Variants in FUT8 observed in about 807,000 individuals in gnomAD.
FUT8 encodes fucosyltransferase 8.
In FUT8, 29 loss-of-function variants were observed where a neutral mutation model predicts 71.3. The ratio of observed to expected loss-of-function variants is 0.41; its 90% CI spans 0.30 to 0.55. The LOEUF is 0.55. Among genes scored for constraint, FUT8 ranks in the 20% least tolerant of loss-of-function variants. FUT8 has a pLI of 0.34. For missense variants in FUT8, 544 were observed against 702.1 expected (o/e 0.77, Z 2.55); for synonymous variants, 254 against 239.3 (o/e 1.06, Z -0.57).
At chr14:65,431,588 C>G (rs982494296) in intron 1 of FUT8, among the ~76,000 whole-genome samples, 1 of 151,912 alleles carries the variant, frequency 6.6e-6, no homozygotes, top group Non-Finnish European at 1.5e-5. Context: ...GTTGGGATTA[C>G]AGGCGTGAGC....
At chr14:65,616,421 A>G (rs1180641175) in intron 5 of FUT8, 48 bp downstream of exon 5, 3 of 1,436,732 alleles carry the variant, frequency 2.1e-6, no homozygotes, top group Admixed American at 4.4e-5. Flanking sequence ...AAAGATTATA[A>G]TCTAAGAATG....
intron 3 of FUT8, among the ~76,000 whole-genome samples, chr14:65,565,227 G>A (rs1291728014): frequency 6.6e-6 from 1 of 151,942 alleles, no homozygotes; most frequent in East Asian, 1.9e-4. Context: ...AGTCATCTCT[G>A]AAGGAGGAGC....
At chr14:65,552,884 A>G (rs542577015) in intron 2 of FUT8, among the ~76,000 whole-genome samples, 2 of 152,292 alleles carry the variant, frequency 1.3e-5, no homozygotes, top group South Asian at 4.2e-4. Context: ...TATCTACACC[A>G]TTCGTAATGG....
intron 7 of FUT8, among the ~76,000 whole-genome samples, chr14:65,687,087 G>T (rs770662023): frequency 7.9e-5 from 12 of 151,856 alleles, no homozygotes; most frequent in Admixed American, 2.0e-4. Flanking sequence ...ATCATTCCAG[G>T]ACTAGCCCTC....
chr14:65,687,256 A>G (rs12432240), intron 7 of FUT8, among the ~76,000 whole-genome samples: 1 of 152,104 alleles, frequency 6.6e-6, no homozygotes, highest in African/African-American at 2.4e-5. Flanking sequence ...TTTACTTTTA[A>G]TCTTTAAAGA....
At chr14:65,617,421 C>G (rs569024807) in intron 5 of FUT8, among the ~76,000 whole-genome samples, 3 of 152,296 alleles carry the variant, frequency 2.0e-5, no homozygotes, top group Admixed American at 6.5e-5. Flanking sequence ...TCAGGCCATA[C>G]TTAGACCACT....
At chr14:65,466,754 A>G (rs775222988) in intron 2 of FUT8, among the ~76,000 whole-genome samples, 1 of 152,202 alleles carries the variant, frequency 6.6e-6, no homozygotes, top group Non-Finnish European at 1.5e-5. Context: ...TCTCAAAAAA[A>G]AAAAGAATAA....
At chr14:65,464,259 G>GTTTTTTTTTTTTTTTTTTTTTTTTTTT (rs3084724) in intron 2 of FUT8, among the ~76,000 whole-genome samples, 1 of 116,560 alleles carries the variant, frequency 8.6e-6, no homozygotes, top group Non-Finnish European at 1.7e-5. Context: ...AGTACTTTGG[G>GTTTTTTTTTTTTTTTTTTTTTTTTTTT]TTTTTTTTTT....
intron 7 of FUT8, among the ~76,000 whole-genome samples, chr14:65,684,880 C>T (rs536570025): frequency 1.3e-4 from 20 of 152,218 alleles, no homozygotes; most frequent in Admixed American, 7.8e-4. Context: ...TACCTAGTCT[C>T]GGGTATGTCT....
At chr14:65,566,040 T>C (rs946290219) in intron 3 of FUT8, among the ~76,000 whole-genome samples, 1 of 151,982 alleles carries the variant, frequency 6.6e-6, no homozygotes, top group Admixed American at 6.6e-5. Flanking sequence ...TAACTTCAGC[T>C]AGGCTTTTTT....
At chr14:65,598,472 C>T (rs368432024) in intron 3 of FUT8, among the ~76,000 whole-genome samples, 35 of 152,270 alleles carry the variant, frequency 2.3e-4, no homozygotes, top group Admixed American at 3.3e-4. Flanking sequence ...CCACCCGCCT[C>T]GGCCTCCCAA....
intron 2 of FUT8, among the ~76,000 whole-genome samples, chr14:65,531,030 A>C (rs1206096715): frequency 2.0e-5 from 3 of 150,076 alleles, no homozygotes; most frequent in African/African-American, 7.3e-5. Flanking sequence ...ATATAGTAAA[A>C]TATGGTGTTT....
chr14:65,597,673 T>C (rs1189487234), intron 3 of FUT8, among the ~76,000 whole-genome samples: 1 of 151,270 alleles, frequency 6.6e-6, no homozygotes, highest in Non-Finnish European at 1.5e-5. Flanking sequence ...TATCACAGAA[T>C]GGCTTGTCTT....
intron 6 of FUT8, among the ~76,000 whole-genome samples, chr14:65,667,588 G>T (rs1892278745): frequency 6.6e-6 from 1 of 152,050 alleles, no homozygotes; most frequent in Non-Finnish European, 1.5e-5. Flanking sequence ...CATTAAAATG[G>T]CCATAGTGCC....
rs149786755 is a variant in FUT8, at chr14:65,570,499, A to G, written c.203+8733A>G. On this transcript the variant is annotated intron_variant, in intron 3 of 10. Coordinates refer to ENST00000673929, the MANE Select transcript of FUT8 (RefSeq NM_001371533.1). ...TGCCATGTTATACTGTATTCTACTT[A>G]TAACTACATATACTCCTACATATAC... Among the ~76,000 whole-genome samples, 115 of 151,998 alleles carry G rather than the reference A, an allele frequency of 7.6e-4. 2 individuals are homozygous for G. In the East Asian group the frequency reaches 0.021, roughly 28 times the overall value.
At chr14:65,523,270 C>G (rs1312316649) in intron 2 of FUT8, among the ~76,000 whole-genome samples, 2 of 152,220 alleles carry the variant, frequency 1.3e-5, no homozygotes, top group East Asian at 1.9e-4. Context: ...GCCATTCTAA[C>G]TGGTGTGAGA....
chr14:65,632,091 A>G lies in FUT8; in HGVS notation c.597+2485A>G, dbSNP rs569013124. 3.9e-5 allele frequency among the ~76,000 whole-genome samples: 6 copies of G among 152,324 alleles called. No individual in the cohort carries two copies. The South Asian group carries it at 1.2e-3, about 32-fold the overall frequency. On this transcript the variant is annotated intron_variant, in intron 6 of 10. Coordinates refer to ENST00000673929, the MANE Select transcript of FUT8 (RefSeq NM_001371533.1). ...CATATACATATACATATACACATAC[A>G]TATACATATGCCACAATTTCTTTAT...
In FUT8 at chr14:65,677,982, T is replaced by C. The variant is rs150707820; in HGVS notation, c.835+8502T>C. On this transcript the variant is annotated intron_variant, in intron 7 of 10. Transcript: ENST00000673929. ...CATTTACCAGGACAGATCAGTGTCA[T>C]TGATTTGGAGTCAGAAGTTATTAGC... Among the ~76,000 whole-genome samples the C allele has an allele frequency of 1.2e-3, 187 of 152,328 alleles. 4 individuals are homozygous for C. Among genetic ancestry groups the C allele is most frequent in the East Asian group, 5.2e-3 (27 of 5,184 alleles).
chr14:65,632,142 G>A (rs1413252883), intron 6 of FUT8, among the ~76,000 whole-genome samples: 1 of 152,150 alleles, frequency 6.6e-6, no homozygotes, highest in Non-Finnish European at 1.5e-5. Flanking sequence ...CGGGCATTTG[G>A]GTTGGTTCCA....
Sources: gnomAD v4.1 joint callset for allele counts (sites outside exome capture counted in the v4.1 genomes callset) on GRCh38, gnomAD v4.1.1 for gene constraint, MANE v1.5 for transcripts, NCBI Gene and HGNC (gene_info 2026-07-23, HGNC 2026-07-21) for gene names.